The following DMD variants were observed in gnomAD, a reference collection of about 807,000 sequenced individuals.
DMD encodes dystrophin.
DMD carries 63 observed loss-of-function variants against 330.1 expected under a neutral mutation model. The observed-to-expected ratio is 0.19, with a 90% CI of 0.16 to 0.24. The LOEUF (loss-of-function observed/expected upper bound fraction) is 0.24, where lower values mean the gene tolerates loss of function less well. DMD is among the 10% of genes least tolerant of loss of function. The pLI is 1.00. For missense variants in DMD, 3,344 were observed against 2,684.1 expected (o/e 1.25, Z -5.43); for synonymous variants, 1,223 against 959.8 (o/e 1.27, Z -5.07).
intron 60 of DMD, among the ~76,000 whole-genome samples, chrX:31,357,773 G>A (rs1363895695): frequency 2.7e-5 from 3 of 111,630 alleles, no homozygotes; most frequent in African/African-American, 9.8e-5. Context: ...GCAAGTGACT[G>A]AAAAGCGCCT....
chrX:31,210,277 CA>C (rs1569469021), intron 64 of DMD, among the ~76,000 whole-genome samples: 1 of 111,774 alleles, frequency 8.9e-6, no homozygotes, highest in African/African-American at 3.2e-5. Flanking sequence ...TTTCTATAGG[CA>C]AACTAAAGTA....
chrX:32,836,967 CT>C (rs1486460349), intron 4 of DMD, among the ~76,000 whole-genome samples: 4 of 111,554 alleles, frequency 3.6e-5, no homozygotes, highest in Non-Finnish European at 7.5e-5. Flanking sequence ...GCGTGTCTTT[CT>C]TTTCTGGCTC....
chrX:32,311,884 G>A (rs1375826890), intron 41 of DMD, among the ~76,000 whole-genome samples: 24 of 111,595 alleles, frequency 2.2e-4, no homozygotes, highest in Admixed American at 1.9e-3. Flanking sequence ...TGTTTTGCAC[G>A]CATTACATTG....
At position 32,848,837 on chromosome X, in the gene DMD, A is replaced by G. The variant is rs553293360; in HGVS notation, c.186+891T>C. Among the ~76,000 whole-genome samples, 3 of 111,766 alleles carry G rather than the reference A, an allele frequency of 2.7e-5. No individual in the cohort carries two copies. In the South Asian group the frequency reaches 1.1e-3, roughly 43 times the overall value. On this transcript the variant is annotated intron_variant, in intron 3 of 78. Coordinates refer to ENST00000357033, the MANE Select transcript of DMD (RefSeq NM_004006.3). ...GAAATACAGGCAAGTAAAATAATAC[A>G]GGCAAAAACCCAGAGATATCTGACA... is the stretch of plus-strand genomic sequence containing the variant.
At position 31,746,926 on chromosome X, in the gene DMD, A is replaced by C. The variant is rs2087894629; in HGVS notation, c.7543-17178T>G. 2.7e-5 allele frequency among the ~76,000 whole-genome samples: 3 copies of C among 111,617 alleles called. No individual in the cohort carries two copies. In the Admixed American group the frequency reaches 2.9e-4, roughly 11 times the overall value. On this transcript the variant is annotated intron_variant, in intron 51 of 78. Transcript: ENST00000357033. ...GTACATATAAGGGGAAAAAGTGCTT[A>C]ACAACTAGGTCTCATTCTTCAAAAT...
At chrX:32,431,445 A>C (rs994269766) in intron 29 of DMD, among the ~76,000 whole-genome samples, 2 of 110,837 alleles carry the variant, frequency 1.8e-5, no homozygotes, top group Non-Finnish European at 1.9e-5. Flanking sequence ...GAATAATAAT[A>C]ATCTCCATTT....
chrX:31,285,363 G>T (rs921696512), intron 62 of DMD, among the ~76,000 whole-genome samples: 1 of 112,155 alleles, frequency 8.9e-6, no homozygotes, highest in African/African-American at 3.2e-5. Context: ...GTGCCATTCT[G>T]AGATAACAGG....
chrX:32,975,325 C>A (rs5003601), intron 2 of DMD, among the ~76,000 whole-genome samples: 4 of 31,719 alleles, frequency 1.3e-4, no homozygotes, highest in Admixed American at 6.1e-4. Context: ...CCACATTTTG[C>A]TTTTTAAACT....
intron 51 of DMD, among the ~76,000 whole-genome samples, chrX:31,737,644 T>C (rs990706298): frequency 8.9e-6 from 1 of 112,464 alleles, no homozygotes; most frequent in Non-Finnish European, 1.9e-5. Flanking sequence ...ACTGCCATAT[T>C]GGTCAACCTC....
At chrX:32,484,793 A>C in intron 21 of DMD, 126 bp downstream of exon 21, 1 of 715,247 alleles carries the variant, frequency 1.4e-6, no homozygotes, top group South Asian at 2.4e-5. Context: ...TTCCTTGTTA[A>C]TACAGGTTGT....
intron 44 of DMD, among the ~76,000 whole-genome samples, chrX:32,116,220 T>C (rs1440881179): frequency 9.0e-6 from 1 of 111,329 alleles, no homozygotes; most frequent in African/African-American, 3.3e-5. Context: ...TTTGCCCAAA[T>C]TGGAGAATAT....
chrX:31,595,757 T>C (rs1189391581), intron 55 of DMD, among the ~76,000 whole-genome samples: 3 of 109,081 alleles, frequency 2.8e-5, no homozygotes, highest in Non-Finnish European at 5.7e-5. Flanking sequence ...TTTTGAAGAT[T>C]GCAACTCATC....
chrX:32,637,891 A>G (rs1398813780), intron 11 of DMD, among the ~76,000 whole-genome samples: 1 of 111,966 alleles, frequency 8.9e-6, no homozygotes, highest in East Asian at 2.8e-4. Flanking sequence ...GAGCCAAACC[A>G]TATCAGCATT....
At chrX:32,093,168 C>T (rs1425422375) in intron 44 of DMD, among the ~76,000 whole-genome samples, 4 of 112,180 alleles carry the variant, frequency 3.6e-5, no homozygotes, top group Non-Finnish European at 7.5e-5. Context: ...TAACTCAATA[C>T]TTAACAGCTG....
At chrX:33,092,421 A>T (rs1373498282) in intron 1 of DMD, among the ~76,000 whole-genome samples, 1 of 111,952 alleles carries the variant, frequency 8.9e-6, no homozygotes, top group Non-Finnish European at 1.9e-5. Context: ...AGCTAAATAA[A>T]TTGGTCTATA....
intron 30 of DMD, among the ~76,000 whole-genome samples, chrX:32,393,724 A>G (rs1286032475): frequency 1.8e-5 from 2 of 111,384 alleles, no homozygotes; most frequent in African/African-American, 3.3e-5. Flanking sequence ...TTTAACTGAC[A>G]TGGAAAGAAA....
chrX:32,524,344 A>T (rs952773400), intron 17 of DMD, among the ~76,000 whole-genome samples: 4 of 111,978 alleles, frequency 3.6e-5, no homozygotes, highest in Admixed American at 9.4e-5. Context: ...TTCATAAAGC[A>T]TATACTAAGT....
rs757231250 is a variant in DMD at position 31,613,068 on chromosome X, C to T, written c.8217+14605G>A. ...TCTGAGCAAAGATAACTTCTCTTGA[C>T]TGGGATAATGACTACTTGCTGTTTA... On this transcript the variant is annotated intron_variant, in intron 55 of 78. Transcript: ENST00000357033. Among the ~76,000 whole-genome samples the T allele has an allele frequency of 2.7e-4, 30 of 111,949 alleles. No individual in the cohort carries two copies. In the South Asian group the frequency reaches 5.9e-3, roughly 22 times the overall value.
chrX:32,279,055 T>C (rs753706069), intron 43 of DMD, among the ~76,000 whole-genome samples: 2 of 111,826 alleles, frequency 1.8e-5, no homozygotes, highest in South Asian at 7.4e-4. Flanking sequence ...AACAGGTGTA[T>C]CAAAATATGC....
Sources: gnomAD v4.1 joint callset for allele counts (sites outside exome capture counted in the v4.1 genomes callset) on GRCh38, gnomAD v4.1.1 for gene constraint, MANE v1.5 for transcripts, NCBI Gene and HGNC (gene_info 2026-07-23, HGNC 2026-07-21) for gene names.